The following NRG3 variants were observed in gnomAD, a reference collection of about 807,000 sequenced individuals.
NRG3 encodes the protein neuregulin 3, also known as pro-neuregulin-3, membrane-bound isoform.
NRG3 carries 31 observed loss-of-function variants against 66.9 expected under a neutral mutation model. The observed-to-expected ratio is 0.46, with a 90% CI of 0.35 to 0.63. The LOEUF is 0.63. NRG3 is among the 20% of genes least tolerant of loss of function. The pLI, the probability that NRG3 is intolerant of heterozygous loss-of-function variation, is 0.00. For synonymous variants in NRG3, 393 were observed against 359.4 expected (o/e 1.09, Z -1.06); for missense variants, 910 against 878.9 (o/e 1.04, Z -0.45).
At chr10:82,959,419 G>A (rs550068255) in intron 6 of NRG3, among the ~76,000 whole-genome samples, 8 of 152,234 alleles carry the variant, frequency 5.3e-5, no homozygotes, top group Admixed American at 1.3e-4. Flanking sequence ...CTTGCCATAA[G>A]GGAAGTTCTA....
chr10:82,790,575 G>A (rs1415884479), intron 3 of NRG3, among the ~76,000 whole-genome samples: 9 of 151,934 alleles, frequency 5.9e-5, no homozygotes, highest in African/African-American at 1.2e-4. Context: ...TATCTTACTT[G>A]GAGGTCATTG....
rs1483513515 is a variant in NRG3, at chr10:82,973,813, T to C, written c.1310T>C (p.Val437Ala). The C allele has an allele frequency of 2.5e-6, 4 of 1,613,972 alleles. No homozygotes were observed. In the African/African-American group the frequency reaches 4.0e-5, roughly 16 times the overall value. Residue 437 changes from valine to alanine, a missense_variant, in exon 7 of 9, where the codon GTG becomes GCG. Transcript: ENST00000372141. ...QNYSKVERHP[V>A]TALEKMMESS... ...TATTCAAAGGTGGAAAGGCATCCTG[T>C]GACTGCATTGGAGAAAATGATGGAG...
At chr10:81,885,959 C>A (rs905428284) in intron 1 of NRG3, among the ~76,000 whole-genome samples, 1 of 152,044 alleles carries the variant, frequency 6.6e-6, no homozygotes, top group Non-Finnish European at 1.5e-5. Context: ...AATTCTATTT[C>A]ATTGACTTTT....
intron 1 of NRG3, among the ~76,000 whole-genome samples, chr10:82,169,752 T>G (rs914637593): frequency 2.6e-5 from 4 of 151,858 alleles, no homozygotes; most frequent in Admixed American, 2.0e-4. Context: ...TTATTCTCTA[T>G]TAAAGATTAT....
At chr10:82,495,181 C>A (rs914490826) in intron 2 of NRG3, among the ~76,000 whole-genome samples, 1 of 151,978 alleles carries the variant, frequency 6.6e-6, no homozygotes, top group Non-Finnish European at 1.5e-5. Context: ...GTGATCTGCC[C>A]GTCTCGGCCT....
chr10:82,642,348 CTAAAT>C (rs2050640814), intron 2 of NRG3, among the ~76,000 whole-genome samples: 2 of 151,778 alleles, frequency 1.3e-5, no homozygotes, highest in East Asian at 3.9e-4. Flanking sequence ...TTTTCCAACT[CTAAAT>C]TAATTAATAG....
intron 2 of NRG3, among the ~76,000 whole-genome samples, chr10:82,523,730 A>G (rs928495246): frequency 1.1e-4 from 17 of 152,184 alleles, no homozygotes; most frequent in African/African-American, 4.1e-4. Flanking sequence ...ACCAAAGGAC[A>G]CTCACCTTAC....
At chr10:82,261,831 C>G (rs918953090) in intron 1 of NRG3, among the ~76,000 whole-genome samples, 4 of 152,160 alleles carry the variant, frequency 2.6e-5, no homozygotes, top group African/African-American at 7.2e-5. Context: ...GTTCCTTGCC[C>G]TCATTCCAGT....
At chr10:82,647,134 C>A (rs569708857) in intron 2 of NRG3, among the ~76,000 whole-genome samples, 3 of 152,102 alleles carry the variant, frequency 2.0e-5, no homozygotes, top group African/African-American at 7.2e-5. Context: ...AGATATATCT[C>A]CTAATGCTAT....
At chr10:82,960,790 C>T (rs922346309) in intron 6 of NRG3, among the ~76,000 whole-genome samples, 7 of 152,132 alleles carry the variant, frequency 4.6e-5, no homozygotes, top group African/African-American at 1.7e-4. Flanking sequence ...AGCTCCCCCA[C>T]TGAGCACCTT....
chr10:82,486,077 C>T (rs1265283234), intron 2 of NRG3, among the ~76,000 whole-genome samples: 1 of 152,120 alleles, frequency 6.6e-6, no homozygotes, highest in Non-Finnish European at 1.5e-5. Flanking sequence ...CAGGGAAACG[C>T]AAGTCAAAAC....
intron 3 of NRG3, among the ~76,000 whole-genome samples, chr10:82,786,115 A>G (rs1411645423): frequency 6.6e-6 from 1 of 151,932 alleles, no homozygotes; most frequent in Non-Finnish European, 1.5e-5. Flanking sequence ...CACTACATAA[A>G]CTCCTTACTC....
chr10:82,647,944 T>G (rs1243659321), intron 2 of NRG3, among the ~76,000 whole-genome samples: 4 of 147,350 alleles, frequency 2.7e-5, no homozygotes. Flanking sequence ...TTTTCTCCCA[T>G]TTTGTAGGTT....
At position 82,254,654 on chromosome 10, in the gene NRG3, TACACAC is replaced by T. The variant is rs147171906; in HGVS notation, c.824-104069_824-104064del. Among the ~76,000 whole-genome samples the T allele has an allele frequency of 3.9e-3, 582 of 148,996 alleles. 4 individuals carry two copies. The highest frequency in any genetic ancestry group is 9.1e-3 in the Admixed American group (136 of 14,914). Reference sequence around the variant, plus strand: ...AAGGAAGTGCTAAAAACAAAACAAATACACACACACACACACACACAAAACAAAAAC... The same window carrying T: ...AAGGAAGTGCTAAAAACAAAACAAATACACACACACACACAAAACAAAAAC... On this transcript the variant is annotated intron_variant, in intron 1 of 8. Transcript: ENST00000372141.
intron 3 of NRG3, among the ~76,000 whole-genome samples, chr10:82,785,202 T>G (rs2060298158): frequency 1.4e-5 from 2 of 139,998 alleles, no homozygotes; most frequent in African/African-American, 2.7e-5. Flanking sequence ...TGGGGGCTGT[T>G]GTGGGGTAGG....
At chr10:82,078,738 T>C (rs542232150) in intron 1 of NRG3, among the ~76,000 whole-genome samples, 1 of 152,354 alleles carries the variant, frequency 6.6e-6, no homozygotes, top group South Asian at 2.1e-4. Flanking sequence ...GTGCTAATAT[T>C]TTTTAAACTG....
intron 1 of NRG3, among the ~76,000 whole-genome samples, chr10:82,279,673 A>G (rs545640846): frequency 5.3e-5 from 8 of 152,216 alleles, no homozygotes; most frequent in Admixed American, 1.3e-4. Context: ...AAAGATTATT[A>G]AAACTGATTT....
intron 2 of NRG3, among the ~76,000 whole-genome samples, chr10:82,469,811 T>C (rs1192981943): frequency 1.3e-5 from 2 of 151,666 alleles, no homozygotes; most frequent in Non-Finnish European, 2.9e-5. Context: ...TCAGATTAGA[T>C]GGTGAAAATG....
At chr10:82,062,220 T>G (rs2064194576) in intron 1 of NRG3, among the ~76,000 whole-genome samples, 1 of 152,280 alleles carries the variant, frequency 6.6e-6, no homozygotes, top group South Asian at 2.1e-4. Context: ...GCATAGCTCA[T>G]TTCTTTATTA....
Sources: gnomAD v4.1 joint callset for allele counts (sites outside exome capture counted in the v4.1 genomes callset) on GRCh38, gnomAD v4.1.1 for gene constraint, MANE v1.5 for transcripts, NCBI Gene and HGNC (gene_info 2026-07-23, HGNC 2026-07-21) for gene names.